Variants in ZNF98 observed in about 807,000 individuals in gnomAD.
The protein encoded by ZNF98 is zinc finger protein 98.
In ZNF98, 8 loss-of-function variants were observed where a neutral mutation model predicts 12.8. That is an observed-to-expected ratio of 0.63 (90% CI 0.37 to 1.13). The LOEUF (loss-of-function observed/expected upper bound fraction) is 1.13, where lower values mean the gene tolerates loss of function less well. Ranked by LOEUF, ZNF98 falls within the 50% of genes most tolerant of loss-of-function variation. The probability of loss-of-function intolerance (pLI) is 0.01; values close to 1 mark genes in which losing one functional copy is unlikely to be tolerated. For synonymous variants in ZNF98, 112 were observed against 223.5 expected, an observed-to-expected ratio of 0.50 and a Z score of 4.45; for missense variants, 379 against 666.1, an observed-to-expected ratio of 0.57 and a Z score of 4.74.
At chr19:22,413,956 G>A (rs1192418325) in intron 1 of ZNF98, among the ~76,000 whole-genome samples, 3 of 150,194 alleles carry the variant, frequency 2.0e-5, no homozygotes, top group African/African-American at 4.9e-5. Flanking sequence ...GATCAATATT[G>A]GCCAGGCAAA....
chr19:22,417,090 G>A (rs1385685104), intron 1 of ZNF98, among the ~76,000 whole-genome samples: 3 of 151,906 alleles, frequency 2.0e-5, no homozygotes, highest in Non-Finnish European at 2.9e-5. Context: ...TTAGCCAGGC[G>A]TGGTGGCACA....
At chr19:22,403,601 G>T in intron 1 of ZNF98, 89 bp from the exon 2 acceptor site, 1 of 1,355,274 alleles carries the variant, frequency 7.4e-7, no homozygotes, top group Admixed American at 2.5e-5. Flanking sequence ...AGAGTAAAGA[G>T]AACTGGTTCT....
intron 1 of ZNF98, among the ~76,000 whole-genome samples, chr19:22,405,730 G>A (rs1205075235): frequency 1.3e-5 from 2 of 152,182 alleles, no homozygotes; most frequent in African/African-American, 4.8e-5. Context: ...CAGCACCACA[G>A]GTGTGGCTGC....
chr19:22,408,110 C>G (rs2145117485), intron 1 of ZNF98, among the ~76,000 whole-genome samples: 1 of 152,256 alleles, frequency 6.6e-6, no homozygotes, highest in Admixed American at 6.5e-5. Context: ...ATCAAGTCGG[C>G]TTCATCCCTG....
At chr19:22,410,571 A>C (rs1388744824) in intron 1 of ZNF98, among the ~76,000 whole-genome samples, 1 of 152,162 alleles carries the variant, frequency 6.6e-6, no homozygotes, top group African/African-American at 2.4e-5. Flanking sequence ...GGACACAGGG[A>C]GGGGAATAAC....
chr19:22,392,755 C>A lies in ZNF98; in HGVS notation c.480G>T (p.Val160=). 3 of 1,610,016 alleles carry A rather than the reference C, an allele frequency of 1.9e-6. No individual in the cohort carries two copies. Among genetic ancestry groups the A allele is most frequent in the South Asian group, 2.2e-5 (2 of 90,536 alleles). Residue 160 remains valine (V), a synonymous_variant, in exon 4 of 4, where the codon GTG becomes GTT. Transcript: ENST00000357774. The part of the protein sequence containing the change: ...QNKIFQYDKY[V]KVFHKFSNSN... ...AATTTGAAAATTTATGAAAGACTTT[C>A]ACATATTTGTCATATTGAAATATTT...
chr19:22,391,466 A>C lies in ZNF98; in HGVS notation c.*50T>G. The C allele has an allele frequency of 6.6e-7, 1 of 1,504,414 alleles. No individual in the cohort carries two copies. Among genetic ancestry groups the C allele is most frequent in the Non-Finnish European group, 8.9e-7 (1 of 1,126,928 alleles). 93.2% of individuals were successfully genotyped at this position (1,504,414 alleles called of 1,614,324 possible). ...TTCTCCAGAATGAATTACCTTACCT[A>C]CAATCCAGTGTGATAACCATTTAAA... On this transcript the variant is annotated 3_prime_UTR_variant, in exon 4 of 4. Transcript: ENST00000357774.
Position 22,402,792 on chromosome 19 carries a change from G to T in ZNF98, c.250C>A (p.Pro84Thr), listed in dbSNP as rs559843197. ...VKRHEMVTEP[P>T]VVYSYFAQDL... ...ATTCACTTTCACTCTCACCTACCTGGGGGTTCAGTTACCATCTCATGTCTC... is the reference window on the plus strand; with the variant it reads ...ATTCACTTTCACTCTCACCTACCTGTGGGTTCAGTTACCATCTCATGTCTC... The change falls in exon 3 of 4, where the codon CCA (proline) becomes ACA (threonine). Residue 84 changes from proline to threonine, a missense_variant. Transcript: ENST00000357774. 4 of 1,587,300 alleles carry T rather than the reference G, an allele frequency of 2.5e-6. No homozygotes were observed. The highest frequency in any genetic ancestry group is 1.2e-5 in the South Asian group (1 of 85,538).
intron 1 of ZNF98, among the ~76,000 whole-genome samples, chr19:22,416,158 A>G (rs1255256163): frequency 6.7e-6 from 1 of 150,148 alleles, no homozygotes; most frequent in Non-Finnish European, 1.5e-5. Context: ...AAACAAAACA[A>G]AACAAAAAAA....
At chr19:22,404,056 TAA>T (rs1427502709) in intron 1 of ZNF98, among the ~76,000 whole-genome samples, 3 of 152,084 alleles carry the variant, frequency 2.0e-5, no homozygotes, top group Admixed American at 2.0e-4. Flanking sequence ...CTGGCTCTAC[TAA>T]AAATACAAAA....
In ZNF98 at chr19:22,392,956, G is replaced by A; in HGVS notation, c.279C>T (p.Asp93=). ...TTTTTTTGCCCTGCTTTGGCCAAAG[G>A]TCTTGGGCAAAATAAGAATATACAA... ...PPVVYSYFAQ[D]LWPKQGKKNY... The change falls in exon 4 of 4, where the codon GAC becomes GAT. Residue 93 remains aspartate, a synonymous_variant. Coordinates refer to ENST00000357774, the MANE Select transcript of ZNF98 (RefSeq NM_001098626.2). 6.5e-7 allele frequency: 1 copy of A among 1,541,996 alleles called. No homozygotes were observed. Among genetic ancestry groups the A allele is most frequent in the Non-Finnish European group, 8.7e-7 (1 of 1,150,498 alleles).
chr19:22,409,814 A>G (rs1246364013), intron 1 of ZNF98, among the ~76,000 whole-genome samples: 1 of 149,664 alleles, frequency 6.7e-6, no homozygotes, highest in Non-Finnish European at 1.5e-5. Context: ...CAGGAGGCTG[A>G]GGCAGAAGAA....
intron 1 of ZNF98, among the ~76,000 whole-genome samples, chr19:22,421,964 A>G (rs980539605): frequency 1.3e-5 from 2 of 152,212 alleles, no homozygotes; most frequent in African/African-American, 4.8e-5. Flanking sequence ...AGAGGGCTCC[A>G]GCTCAGGGCA....
At chr19:22,410,058 A>G (rs2360625) in intron 1 of ZNF98, among the ~76,000 whole-genome samples, 64,844 of 151,950 alleles carry the variant, frequency 0.43, 14,067 homozygotes, top group Non-Finnish European at 0.46. Flanking sequence ...ATGAGATACC[A>G]TCTCACACCA....
At chr19:22,398,634 C>T (rs536475700) in intron 3 of ZNF98, among the ~76,000 whole-genome samples, 1 of 152,000 alleles carries the variant, frequency 6.6e-6, no homozygotes, top group Non-Finnish European at 1.5e-5. Context: ...GGATTACAGA[C>T]GTGAACCACC....
intron 1 of ZNF98, among the ~76,000 whole-genome samples, chr19:22,404,404 C>T (rs1260038186): frequency 6.6e-6 from 1 of 152,052 alleles, no homozygotes; most frequent in African/African-American, 2.4e-5. Flanking sequence ...TTTCGTTTTC[C>T]AAAGACAGAT....
intron 1 of ZNF98, among the ~76,000 whole-genome samples, chr19:22,413,705 TAC>T (rs777618889): frequency 8.3e-4 from 126 of 151,508 alleles, no homozygotes; most frequent in Admixed American, 3.0e-3. Flanking sequence ...ACCCCGTCTC[TAC>T]TAAAAACACA....
At chr19:22,397,638 AAC>A (rs201670491) in intron 3 of ZNF98, among the ~76,000 whole-genome samples, 4,973 of 148,478 alleles carry the variant, frequency 0.033, 107 homozygotes, top group African/African-American at 0.12. Flanking sequence ...GAAATTAAAC[AAC>A]ACACTCTTGA....
Position 22,393,123 on chromosome 19 carries a change from T to C in ZNF98, c.254-142A>G, listed in dbSNP as rs963228764. ...ACACGCTCTAACATTTTCACAGACA[T>C]ATAAAAGCATACAGAACAAATTACA... is the stretch of plus-strand genomic sequence containing the variant. On this transcript the variant is annotated intron_variant, in intron 3 of 3. Transcript: ENST00000357774. 6 of 916,154 alleles carry C rather than the reference T, an allele frequency of 6.5e-6. No homozygotes were observed. The African/African-American group carries it at 8.4e-5, about 13-fold the overall frequency. The allele number at this position is 916,154 out of a possible 1,614,324, so 56.8% of individuals were successfully genotyped here. A position where few individuals can be genotyped will look rare whatever the true frequency, so the allele number is the denominator to read the frequency against.
Sources: gnomAD v4.1 joint callset for allele counts (sites outside exome capture counted in the v4.1 genomes callset) on GRCh38, gnomAD v4.1.1 for gene constraint, MANE v1.5 for transcripts, NCBI Gene and HGNC (gene_info 2026-07-23, HGNC 2026-07-21) for gene names.